The following NCOA1 variants were observed in gnomAD, a reference collection of about 807,000 sequenced individuals.
NCOA1 encodes the protein Hin-2 protein.
A neutral mutation model predicts 150.9 loss-of-function variants in NCOA1; 35 were observed. The observed-to-expected ratio is 0.23, with a 90% CI of 0.18 to 0.31. The LOEUF is 0.31. Ranked by LOEUF, NCOA1 falls within the 10% of genes least tolerant of loss-of-function variation. The pLI is 1.00. For missense variants in NCOA1, 1,491 were observed against 1,749.3 expected, an observed-to-expected ratio of 0.85 and a Z score of 2.63; for synonymous variants, 590 against 630.0, an observed-to-expected ratio of 0.94 and a Z score of 0.95.
intron 2 of NCOA1, among the ~76,000 whole-genome samples, chr2:24,568,289 T>C (rs79678417): frequency 0.041 from 6,179 of 152,290 alleles, 154 homozygotes; most frequent in East Asian, 0.13. Flanking sequence ...TGCAAAGTTA[T>C]ATGTCCTGGT....
chr2:24,683,467 G>C (rs1429538925), intron 8 of NCOA1, among the ~76,000 whole-genome samples: 1 of 152,166 alleles, frequency 6.6e-6, no homozygotes, highest in African/African-American at 2.4e-5. Context: ...GGAGTGAGAA[G>C]GAGGGAAGAA....
At position 24,671,222 on chromosome 2, in the gene NCOA1, G is replaced by A. The variant is rs147658038; in HGVS notation, c.257-2144G>A. On this transcript the variant is annotated intron_variant, in intron 6 of 22. Transcript: ENST00000348332. ...ATGAATCAAACCTACATGTATCAAT[G>A]TGGTTAAATCTCAAACATAATATTG... is the stretch of plus-strand genomic sequence containing the variant. 2.0e-3 allele frequency among the ~76,000 whole-genome samples: 300 copies of A among 152,302 alleles called. 1 individual carries two copies. The highest frequency in any genetic ancestry group is 6.9e-3 in the African/African-American group (288 of 41,560).
At chr2:24,505,191 CTT>C (rs774883744) in intron 1 of NCOA1, among the ~76,000 whole-genome samples, 2 of 144,814 alleles carry the variant, frequency 1.4e-5, no homozygotes, top group Non-Finnish European at 1.5e-5. Context: ...TTTCTTTTTT[CTT>C]TTTTTTTTTT....
At chr2:24,652,496 T>A (rs1474411799) in intron 4 of NCOA1, among the ~76,000 whole-genome samples, 1 of 152,152 alleles carries the variant, frequency 6.6e-6, no homozygotes, top group African/African-American at 2.4e-5. Flanking sequence ...TAAGCATTTT[T>A]AAATATATTA....
chr2:24,619,577 A>G (rs528149111), intron 3 of NCOA1, among the ~76,000 whole-genome samples: 10 of 152,210 alleles, frequency 6.6e-5, no homozygotes, highest in Non-Finnish European at 1.3e-4. Flanking sequence ...CCTTGACTTC[A>G]TTATGACCTT....
intron 14 of NCOA1, among the ~76,000 whole-genome samples, chr2:24,724,350 A>T (rs1378147568): frequency 6.6e-6 from 1 of 152,128 alleles, no homozygotes; most frequent in Non-Finnish European, 1.5e-5. Context: ...TATTCTCTGG[A>T]CAAAGAGAGA....
At chr2:24,648,518 G>T (rs1007740710) in intron 4 of NCOA1, among the ~76,000 whole-genome samples, 3 of 152,054 alleles carry the variant, frequency 2.0e-5, no homozygotes, top group Non-Finnish European at 4.4e-5. Flanking sequence ...TGATCCACCC[G>T]CCTTGGCCTC....
rs781454228 is a variant in NCOA1, at chr2:24,770,172, T to G, written c.*1781T>G. 12 of 231,624 alleles carry G rather than the reference T, an allele frequency of 5.2e-5. No homozygotes were observed. The highest frequency in any genetic ancestry group is 8.6e-5 in the Non-Finnish European group (10 of 116,846). The allele number at this position is 231,624 out of a possible 1,614,324, so 14.3% of individuals were successfully genotyped here. A position where few individuals can be genotyped will look rare whatever the true frequency, so the allele number is the denominator to read the frequency against. The stretch of plus-strand genomic sequence containing the variant: ...CTCCTTTAGTTTTTCAGAAAATGCA[T>G]CCCTGATTTCATTCATTTCCAGCTT... On this transcript the variant is annotated 3_prime_UTR_variant, in exon 23 of 23. Transcript: ENST00000348332.
chr2:24,723,109 T>G (rs1346441005), intron 14 of NCOA1, among the ~76,000 whole-genome samples: 1 of 152,142 alleles, frequency 6.6e-6, no homozygotes, highest in Non-Finnish European at 1.5e-5. Context: ...TTTTAAAATA[T>G]ATAGTGAAAA....
Position 24,728,410 on chromosome 2 carries a change from T to A in NCOA1, c.2820T>A (p.Leu940=), listed in dbSNP as rs770845870. The change falls in exon 16 of 23, where the codon CTT becomes CTA. Residue 940 remains leucine, a synonymous_variant. Coordinates refer to ENST00000348332, the MANE Select transcript of NCOA1 (RefSeq NM_003743.5). Reference sequence around the variant, plus strand: ...TTCTTGAACAGCTGGTATCCTTCCTTAGTGGCAAAGATGAAACTGAGCTAG... The same window carrying A: ...TTCTTGAACAGCTGGTATCCTTCCTAAGTGGCAAAGATGAAACTGAGCTAG... ...KALLEQLVSF[L]SGKDETELAE... The A allele has an allele frequency of 1.9e-5, 30 of 1,613,746 alleles. No individual in the cohort carries two copies. Among genetic ancestry groups the A allele is most frequent in the Non-Finnish European group, 2.5e-5 (29 of 1,179,852 alleles).
At chr2:24,626,184 A>G (rs56383418) in intron 3 of NCOA1, among the ~76,000 whole-genome samples, 22,856 of 152,178 alleles carry the variant, frequency 0.15, 2,063 homozygotes, top group Non-Finnish European at 0.2. Context: ...AAGCTCTGTC[A>G]TTGCTGGCTG....
chr2:24,635,658 T>C (rs1392087031), intron 3 of NCOA1, among the ~76,000 whole-genome samples: 1 of 152,168 alleles, frequency 6.6e-6, no homozygotes, highest in Non-Finnish European at 1.5e-5. Flanking sequence ...TGACTACTTA[T>C]CAATTACAAA....
At position 24,707,191 on chromosome 2, in the gene NCOA1, A is replaced by G. The variant is rs2148595135; in HGVS notation, c.1721A>G (p.Asn574Ser). Reference sequence around the variant, plus strand: ...TCACAGAATTCACCTAGCAGATTAAATATACAACCAGCAAAAGCTGAGTCC... The same window carrying G: ...TCACAGAATTCACCTAGCAGATTAAGTATACAACCAGCAAAAGCTGAGTCC... ...MSSQNSPSRLNIQPAKAESKD... is the reference protein window; with the variant it reads ...MSSQNSPSRLSIQPAKAESKD... The change falls in exon 13 of 23, where the codon AAT becomes AGT. Residue 574 changes from asparagine to serine, a missense_variant. Transcript: ENST00000348332. 1 of 1,614,212 alleles carries G rather than the reference A, an allele frequency of 6.2e-7. No individual in the cohort carries two copies. The highest frequency in any genetic ancestry group is 1.1e-5 in the South Asian group (1 of 91,078).
At chr2:24,727,164 G>C (rs1025847793) in intron 15 of NCOA1, among the ~76,000 whole-genome samples, 2 of 149,758 alleles carry the variant, frequency 1.3e-5, no homozygotes, top group African/African-American at 4.9e-5. Flanking sequence ...AAAAAAAAAG[G>C]GTGGCGGGGA....
At chr2:24,598,673 G>A (rs977319499) in intron 3 of NCOA1, among the ~76,000 whole-genome samples, 2 of 151,948 alleles carry the variant, frequency 1.3e-5, no homozygotes, top group Non-Finnish European at 2.9e-5. Context: ...TGTTTAGCTG[G>A]AGAATTAAAA....
Position 24,758,176 on chromosome 2 carries a change from C to T in NCOA1, c.4065+20C>T, listed in dbSNP as rs761761696. On this transcript the variant is annotated intron_variant, in intron 21 of 22. Coordinates refer to ENST00000348332, the MANE Select transcript of NCOA1 (RefSeq NM_003743.5). Reference sequence around the variant, plus strand: ...GAGCAGGTAAGTGGCACACTCGCCACACACATGCCACACCACATCACAGTT... The same window carrying T: ...GAGCAGGTAAGTGGCACACTCGCCATACACATGCCACACCACATCACAGTT... 1.3e-6 allele frequency: 2 copies of T among 1,592,788 alleles called. No individual in the cohort carries two copies. Among genetic ancestry groups the T allele is most frequent in the Admixed American group, 3.4e-5 (2 of 59,128 alleles).
intron 3 of NCOA1, among the ~76,000 whole-genome samples, chr2:24,638,258 T>A (rs1670031923): frequency 6.7e-6 from 1 of 150,354 alleles, no homozygotes. Flanking sequence ...TGTTCCTGGC[T>A]TATTTCACTT....
At chr2:24,618,742 T>C (rs1668988506) in intron 3 of NCOA1, among the ~76,000 whole-genome samples, 1 of 151,720 alleles carries the variant, frequency 6.6e-6, no homozygotes, top group African/African-American at 2.4e-5. Flanking sequence ...AAACAGTTCA[T>C]TGGTTTTTTT....
In NCOA1 at chr2:24,580,493, T is replaced by C. The variant is rs796679335; in HGVS notation, c.-259-3983T>C. ...TGTTGTTTAGACTGGATAGTATCTA[T>C]TGTTCTATATTTTGGTTCAGTGATT... On this transcript the variant is annotated intron_variant, in intron 2 of 22. Coordinates refer to ENST00000348332, the MANE Select transcript of NCOA1 (RefSeq NM_003743.5). Among the ~76,000 whole-genome samples, 14 of 152,320 alleles carry C rather than the reference T, an allele frequency of 9.2e-5. 1 individual carries two copies. Among genetic ancestry groups the C allele is most frequent in the African/African-American group, 3.4e-4 (14 of 41,576 alleles).
Sources: gnomAD v4.1 joint callset for allele counts (sites outside exome capture counted in the v4.1 genomes callset) on GRCh38, gnomAD v4.1.1 for gene constraint, MANE v1.5 for transcripts, NCBI Gene and HGNC (gene_info 2026-07-23, HGNC 2026-07-21) for gene names.